ARHGAP32: variants seen among roughly 807,000 people sequenced by gnomAD.
ARHGAP32 encodes rho GTPase-activating protein 32.
In ARHGAP32, 51 loss-of-function variants were observed where a neutral mutation model predicts 186.5. The ratio of observed to expected loss-of-function variants is 0.27; its 90% confidence interval spans 0.22 to 0.35. The LOEUF is 0.35. ARHGAP32 is among the 10% of genes least tolerant of loss of function. The probability of loss-of-function intolerance (pLI) is 1.00; values close to 1 mark genes in which losing one functional copy is unlikely to be tolerated. For synonymous variants in ARHGAP32, 950 were observed against 964.3 expected (o/e 0.99, Z 0.27); for missense variants, 2,186 against 2,623.5 (o/e 0.83, Z 3.64).
At chr11:129,248,281 T>C (rs1043299105) in intron 1 of ARHGAP32, among the ~76,000 whole-genome samples, 12 of 152,046 alleles carry the variant, frequency 7.9e-5, no homozygotes, top group African/African-American at 1.5e-4. Context: ...TAGGAAAGAT[T>C]TGTTTCCTTC....
intron 12 of ARHGAP32, among the ~76,000 whole-genome samples, chr11:128,994,550 C>T (rs1946149426): frequency 1.3e-5 from 2 of 151,606 alleles, no homozygotes; most frequent in Admixed American, 1.3e-4. Context: ...AACCCCTAGG[C>T]TCAGGTGCTC....
intron 1 of ARHGAP32, among the ~76,000 whole-genome samples, chr11:129,210,958 C>G (rs563106211): frequency 6.6e-5 from 10 of 152,300 alleles, no homozygotes; most frequent in African/African-American, 2.4e-4. Context: ...GGCGCTCATT[C>G]ATGCCACTCT....
chr11:129,193,725 T>A (rs1229406828), upstream of ARHGAP32, among the ~76,000 whole-genome samples: 76 of 54,132 alleles, frequency 1.4e-3, no homozygotes, highest in Non-Finnish European at 2.2e-3. Context: ...TATTATATAT[T>A]ATATATAATA....
intron 6 of ARHGAP32, among the ~76,000 whole-genome samples, chr11:129,078,742 C>T (rs1468634935): frequency 1.3e-5 from 2 of 152,150 alleles, no homozygotes; most frequent in Non-Finnish European, 2.9e-5. Flanking sequence ...ATCTGCCCAC[C>T]TCAGCCTCCC....
intron 2 of ARHGAP32, among the ~76,000 whole-genome samples, chr11:129,156,039 G>C (rs1943396506): frequency 6.6e-6 from 1 of 152,250 alleles, no homozygotes; most frequent in African/African-American, 2.4e-5. Flanking sequence ...ACTGTGCCGT[G>C]AGAAACGGTG....
intron 10 of ARHGAP32, among the ~76,000 whole-genome samples, chr11:129,052,527 A>C (rs1591569533): frequency 1.3e-5 from 2 of 152,090 alleles, no homozygotes; most frequent in Admixed American, 1.3e-4. Flanking sequence ...TAAAAACAGT[A>C]TATCTCTCCA....
chr11:129,060,063 T>C (rs1385571980), intron 10 of ARHGAP32, among the ~76,000 whole-genome samples: 3 of 152,234 alleles, frequency 2.0e-5, no homozygotes, highest in Admixed American at 6.5e-5. Flanking sequence ...GATGTTTAAC[T>C]AGTTTTAGAC....
At chr11:129,178,761 T>A (rs557382494) in intron 1 of ARHGAP32, among the ~76,000 whole-genome samples, 346 of 151,816 alleles carry the variant, frequency 2.3e-3, no homozygotes, top group African/African-American at 8.2e-3. Context: ...TGAAACTGGA[T>A]CCCTTCCTTA....
At chr11:129,138,730 C>T (rs1294302861) in intron 2 of ARHGAP32, among the ~76,000 whole-genome samples, 1 of 152,150 alleles carries the variant, frequency 6.6e-6, no homozygotes, top group Non-Finnish European at 1.5e-5. Context: ...GTGTCTAACC[C>T]TTTCAAAACA....
intron 6 of ARHGAP32, among the ~76,000 whole-genome samples, chr11:129,090,731 A>G (rs1408014532): frequency 6.6e-6 from 1 of 152,152 alleles, no homozygotes; most frequent in Non-Finnish European, 1.5e-5. Context: ...TAAAGCACTA[A>G]AAGACAGAAT....
At chr11:129,179,826 G>A (rs1350393618) in intron 1 of ARHGAP32, among the ~76,000 whole-genome samples, 3 of 152,018 alleles carry the variant, frequency 2.0e-5, no homozygotes, top group Non-Finnish European at 4.4e-5. Flanking sequence ...GATAGCATTG[G>A]GAGATATACC....
At chr11:129,205,017 A>C (rs1372483570) in intron 1 of ARHGAP32, among the ~76,000 whole-genome samples, 1 of 152,168 alleles carries the variant, frequency 6.6e-6, no homozygotes, top group Non-Finnish European at 1.5e-5. Context: ...ATCCACTGCA[A>C]AAATAAAGTT....
chr11:129,223,799 C>G (rs1944745229), intron 1 of ARHGAP32, among the ~76,000 whole-genome samples: 1 of 152,150 alleles, frequency 6.6e-6, no homozygotes, highest in Admixed American at 6.5e-5. Flanking sequence ...TCCCAAAGAA[C>G]ATTAAGCAAT....
intron 1 of ARHGAP32, among the ~76,000 whole-genome samples, chr11:129,186,704 G>C (rs11221597): frequency 1.3e-5 from 2 of 152,152 alleles, no homozygotes; most frequent in Non-Finnish European, 2.9e-5. Flanking sequence ...ATGGGCAAAA[G>C]ATTTGAACAG....
At chr11:129,171,791 C>T (rs1224667226) in intron 1 of ARHGAP32, among the ~76,000 whole-genome samples, 1 of 152,172 alleles carries the variant, frequency 6.6e-6, no homozygotes, top group Admixed American at 6.5e-5. Context: ...ACTGATTCTT[C>T]CCAACCATGA....
intron 5 of ARHGAP32, among the ~76,000 whole-genome samples, chr11:129,113,199 A>G (rs538534183): frequency 1.2e-4 from 18 of 152,300 alleles, no homozygotes; most frequent in African/African-American, 3.4e-4. Context: ...TGGAAGAACC[A>G]TAAGAGATCA....
chr11:129,093,526 T>A, intron 6 of ARHGAP32, 95 bp downstream of exon 6: 2 of 828,390 alleles, frequency 2.4e-6, no homozygotes, highest in African/African-American at 1.7e-5. Flanking sequence ...GTGGATTATA[T>A]CCTTTAGGCA....
chr11:129,162,102 C>T (rs1273688368), intron 2 of ARHGAP32, among the ~76,000 whole-genome samples: 1 of 151,998 alleles, frequency 6.6e-6, no homozygotes, highest in Non-Finnish European at 1.5e-5. Flanking sequence ...ACAATGAGAA[C>T]ACATGGACAC....
chr11:129,146,569 A>G (rs1292965227), intron 2 of ARHGAP32, among the ~76,000 whole-genome samples: 2 of 152,118 alleles, frequency 1.3e-5, no homozygotes, highest in Non-Finnish European at 2.9e-5. Context: ...TAAATATTTT[A>G]CTTTTAGTAA....
Sources: gnomAD v4.1 joint callset for allele counts (sites outside exome capture counted in the v4.1 genomes callset) on GRCh38, gnomAD v4.1.1 for gene constraint, MANE v1.5 for transcripts, NCBI Gene and HGNC (gene_info 2026-07-23, HGNC 2026-07-21) for gene names.